C9orf153: variants seen among roughly 807,000 people sequenced by gnomAD.
C9orf153 encodes the protein uncharacterized protein C9orf153.
C9orf153 carries 10 observed loss-of-function variants against 9.0 expected under a neutral mutation model. That is an observed-to-expected ratio of 1.11 (90% confidence interval 0.69 to 1.89). C9orf153 has a LOEUF of 1.89. C9orf153 is among the 40% of genes most tolerant of loss of function. The probability of loss-of-function intolerance (pLI) is 0.00; values close to 1 mark genes in which losing one functional copy is unlikely to be tolerated. For synonymous variants in C9orf153, 35 were observed against 37.3 expected, an observed-to-expected ratio of 0.94 and a Z score of 0.23; for missense variants, 108 against 111.0, an observed-to-expected ratio of 0.97 and a Z score of 0.12.
chr9:86,249,826 C>A (rs185947753), intron 1 of C9orf153, among the ~76,000 whole-genome samples: 12 of 152,336 alleles, frequency 7.9e-5, no homozygotes, highest in Admixed American at 2.0e-4. Context: ...GGATTACAGG[C>A]ATGAGACACT....
intron 1 of C9orf153, among the ~76,000 whole-genome samples, chr9:86,240,860 C>A (rs1184902358): frequency 6.6e-6 from 1 of 151,326 alleles, no homozygotes; most frequent in East Asian, 1.9e-4. Flanking sequence ...AGATGTGCAC[C>A]GCCACTCCTG....
intron 1 of C9orf153, among the ~76,000 whole-genome samples, chr9:86,252,527 AT>A (rs1480875745): frequency 6.6e-6 from 1 of 152,210 alleles, no homozygotes; most frequent in Non-Finnish European, 1.5e-5. Context: ...CAAATTTTAA[AT>A]TCTAAATTCA....
chr9:86,248,952 G>C (rs1437421102), intron 1 of C9orf153, among the ~76,000 whole-genome samples: 1 of 152,208 alleles, frequency 6.6e-6, no homozygotes, highest in Non-Finnish European at 1.5e-5. Flanking sequence ...TGCCACGCCA[G>C]CAACGTCACA....
At chr9:86,251,411 C>T (rs1048090269) in intron 1 of C9orf153, among the ~76,000 whole-genome samples, 41 of 152,054 alleles carry the variant, frequency 2.7e-4, no homozygotes, top group African/African-American at 9.9e-4. Flanking sequence ...AAATTGCTTA[C>T]TTTCTAGGTT....
At chr9:86,224,777 A>C (rs533815001) in intron 3 of C9orf153, among the ~76,000 whole-genome samples, 22 of 150,720 alleles carry the variant, frequency 1.5e-4, no homozygotes, top group Non-Finnish European at 3.0e-4. Flanking sequence ...AATACAAAAA[A>C]AAAAAAAAAA....
intron 1 of C9orf153, among the ~76,000 whole-genome samples, chr9:86,235,741 C>CAAAAAAAAAAAAAAAAAAAAAAAAA (rs60165641): frequency 4.5e-5 from 1 of 22,054 alleles, no homozygotes; most frequent in African/African-American, 1.3e-4. Flanking sequence ...GACTCCATCT[C>CAAAAAAAAAAAAAAAAAAAAAAAAA]AAAAAAAAAA....
chr9:86,233,555 T>C (rs756320172), intron 1 of C9orf153, among the ~76,000 whole-genome samples: 3 of 152,096 alleles, frequency 2.0e-5, no homozygotes, highest in Non-Finnish European at 4.4e-5. Context: ...TAGCTGGGAT[T>C]ACAGGGATGT....
intron 1 of C9orf153, among the ~76,000 whole-genome samples, chr9:86,242,925 C>G (rs1824780148): frequency 6.6e-6 from 1 of 152,092 alleles, no homozygotes; most frequent in Non-Finnish European, 1.5e-5. Flanking sequence ...GTGATCCACC[C>G]ACCTCAGCCT....
At chr9:86,230,192 C>G (rs116485286) in intron 1 of C9orf153, among the ~76,000 whole-genome samples, 1,713 of 152,326 alleles carry the variant, frequency 0.011, 31 homozygotes, top group African/African-American at 0.036. Flanking sequence ...CCAAATTTGT[C>G]ATGCTTCAAC....
chr9:86,258,028 A>G (rs964656264), intron 1 of C9orf153, among the ~76,000 whole-genome samples: 3 of 152,192 alleles, frequency 2.0e-5, no homozygotes, highest in Admixed American at 6.5e-5. Context: ...ACATTCAACT[A>G]TTAAGGACAA....
In C9orf153 at chr9:86,228,039, A is replaced by C. The variant is rs1258446329; in HGVS notation, c.67-9T>G. ...GCATATAATTCTGGAAGCTGTGGAC[A>C]AAAAAAAAAGTGGTAAGTCACGAGA... On this transcript the variant is annotated splice_polypyrimidine_tract_variant and intron_variant, in intron 2 of 3. Coordinates refer to ENST00000339137, the MANE Select transcript of C9orf153 (RefSeq NM_001276366.4). 4.3e-6 allele frequency: 5 copies of C among 1,162,750 alleles called. No individual in the cohort carries two copies. The highest frequency in any genetic ancestry group is 3.5e-6 in the Non-Finnish European group (3 of 868,044). 72.0% of individuals were successfully genotyped at this position (1,162,750 alleles called of 1,614,324 possible).
intron 1 of C9orf153, among the ~76,000 whole-genome samples, chr9:86,254,585 G>C (rs929475842): frequency 5.3e-5 from 8 of 152,160 alleles, no homozygotes; most frequent in African/African-American, 1.7e-4. Context: ...AGAAACTCTA[G>C]AACAGCTAGT....
At chr9:86,249,785 G>A (rs1278433110) in intron 1 of C9orf153, among the ~76,000 whole-genome samples, 3 of 152,194 alleles carry the variant, frequency 2.0e-5, no homozygotes, top group Non-Finnish European at 4.4e-5. Flanking sequence ...GACTTCAAGT[G>A]ATCTGCCTGC....
chr9:86,227,260 C>G (rs1824357398), intron 3 of C9orf153: 5 of 1,363,398 alleles, frequency 3.7e-6, no homozygotes, highest in Non-Finnish European at 4.7e-6. Flanking sequence ...GATCCTCCCA[C>G]CTAAACCTCT....
At chr9:86,254,885 T>G (rs1210651899) in intron 1 of C9orf153, among the ~76,000 whole-genome samples, 1 of 152,006 alleles carries the variant, frequency 6.6e-6, no homozygotes, top group Non-Finnish European at 1.5e-5. Context: ...GCAAACATGG[T>G]GAAACCCCGT....
chr9:86,231,455 T>C (rs981684362), intron 1 of C9orf153, among the ~76,000 whole-genome samples: 2 of 152,032 alleles, frequency 1.3e-5, no homozygotes, highest in Admixed American at 1.3e-4. Context: ...GGGATGAGTG[T>C]CTGAGATGAA....
intron 1 of C9orf153, among the ~76,000 whole-genome samples, chr9:86,237,630 G>C (rs1180834479): frequency 2.0e-5 from 3 of 152,130 alleles, no homozygotes; most frequent in Non-Finnish European, 4.4e-5. Flanking sequence ...AAAGTAAAGA[G>C]ATACAGAAAG....
chr9:86,254,441 C>A (rs1825065287), intron 1 of C9orf153, among the ~76,000 whole-genome samples: 1 of 152,186 alleles, frequency 6.6e-6, no homozygotes, highest in African/African-American at 2.4e-5. Context: ...AGAAAAATCA[C>A]CACAGCAACT....
intron 1 of C9orf153, among the ~76,000 whole-genome samples, chr9:86,254,052 T>C (rs77885417): frequency 4.2e-5 from 6 of 144,494 alleles, no homozygotes; most frequent in African/African-American, 5.2e-5. Flanking sequence ...GATTGCGCCA[T>C]TGCACTCCAG....
Sources: allele counts gnomAD v4.1 joint callset (sites outside exome capture counted in the v4.1 genomes callset), GRCh38; gene constraint gnomAD v4.1.1; transcripts MANE v1.5; gene names NCBI Gene and HGNC (gene_info 2026-07-23, HGNC 2026-07-21).